PTPRN2: variants seen among roughly 807,000 people sequenced by gnomAD.
The protein encoded by PTPRN2 is receptor-type tyrosine-protein phosphatase N2.
A neutral mutation model predicts 118.8 loss-of-function variants in PTPRN2; 74 were observed. The ratio of observed to expected loss-of-function variants is 0.62; its 90% CI spans 0.52 to 0.76. The LOEUF is 0.76. Ranked by LOEUF, PTPRN2 falls within the 30% of genes least tolerant of loss-of-function variation. The pLI is 0.00. For missense variants in PTPRN2, 1,481 were observed against 1,394.4 expected (o/e 1.06, Z -0.99); for synonymous variants, 641 against 608.0 (o/e 1.05, Z -0.80).
intron 11 of PTPRN2, among the ~76,000 whole-genome samples, chr7:157,968,955 G>T (rs983765527): frequency 7.2e-5 from 11 of 152,200 alleles, no homozygotes; most frequent in African/African-American, 2.7e-4. Flanking sequence ...AGGTGCCGAA[G>T]AAACAGCAAG....
At chr7:157,849,998 G>A (rs1237370373) in intron 12 of PTPRN2, among the ~76,000 whole-genome samples, 1 of 152,210 alleles carries the variant, frequency 6.6e-6, no homozygotes, top group East Asian at 1.9e-4. Context: ...CCAAGGATTG[G>A]AGCATCTTAC....
rs375925672 is a variant in PTPRN2 at position 158,349,953 on chromosome 7, C to G, written c.164-33021G>C. On this transcript the variant is annotated intron_variant, in intron 2 of 22. Coordinates refer to ENST00000389418, the MANE Select transcript of PTPRN2 (RefSeq NM_002847.5). ...CCTTCCTGATGTCCAAGAACAAGGGCGTTACTAGCGCTCACGTGTTCCCCT... is the reference window on the plus strand; with the variant it reads ...CCTTCCTGATGTCCAAGAACAAGGGGGTTACTAGCGCTCACGTGTTCCCCT... Among the ~76,000 whole-genome samples, 7 of 152,138 alleles carry G rather than the reference C, an allele frequency of 4.6e-5. 1 individual carries two copies. The highest frequency in any genetic ancestry group is 1.7e-4 in the African/African-American group (7 of 41,408).
intron 2 of PTPRN2, among the ~76,000 whole-genome samples, chr7:158,372,269 T>TGATCCCCCCAATGCTGGTCCCCGGAGCTG: frequency 6.8e-6 from 1 of 148,002 alleles, no homozygotes; most frequent in Non-Finnish European, 1.5e-5. Flanking sequence ...TCCCCAGAGC[T>TGATCCCCCCAATGCTGGTCCCCGGAGCTG]GATCCCCCCA....
chr7:158,103,052 G>C lies in PTPRN2; in HGVS notation c.1643+7777C>G, dbSNP rs1272125410. Among the ~76,000 whole-genome samples, 3 of 152,184 alleles carry C rather than the reference G, an allele frequency of 2.0e-5. No homozygotes were observed. The East Asian group carries it at 5.8e-4, about 29-fold the overall frequency. On this transcript the variant is annotated intron_variant, in intron 10 of 22. Transcript: ENST00000389418. ...ATCAGCAGGACCCAGTAAGGCCTGG[G>C]TGTCCAGACATGCACCCGTCCCTGT... is the stretch of plus-strand genomic sequence containing the variant.
chr7:158,380,172 A>G (rs1279512855), intron 2 of PTPRN2, among the ~76,000 whole-genome samples: 3 of 152,168 alleles, frequency 2.0e-5, no homozygotes, highest in African/African-American at 7.2e-5. Context: ...CTCACATTTT[A>G]AAACCAATCA....
At chr7:158,118,246 T>C (rs1047434302) in intron 9 of PTPRN2, among the ~76,000 whole-genome samples, 2 of 152,210 alleles carry the variant, frequency 1.3e-5, no homozygotes, top group Non-Finnish European at 2.9e-5. Context: ...AATTTTGTGA[T>C]ATCAATAGCC....
intron 3 of PTPRN2, among the ~76,000 whole-genome samples, chr7:158,244,679 G>T (rs1464835175): frequency 6.6e-6 from 1 of 151,836 alleles, no homozygotes; most frequent in Non-Finnish European, 1.5e-5. Context: ...AGTTCTGTAA[G>T]CTGTGTAAGT....
chr7:158,449,831 A>G (rs1295133438), intron 2 of PTPRN2, among the ~76,000 whole-genome samples: 1 of 152,172 alleles, frequency 6.6e-6, no homozygotes, highest in African/African-American at 2.4e-5. Flanking sequence ...AGGAACACTA[A>G]ACCTCTTTTT....
chr7:158,402,661 C>A (rs111718340), intron 2 of PTPRN2, among the ~76,000 whole-genome samples: 2 of 152,184 alleles, frequency 1.3e-5, no homozygotes, highest in South Asian at 4.1e-4. Context: ...GCAAGCCCTG[C>A]GATGTTCCTG....
chr7:157,568,953 G>A lies in PTPRN2; in HGVS notation c.2851C>T (p.Arg951Trp), dbSNP rs1799624153. The change falls in exon 21 of 23, where the codon CGG becomes TGG. Residue 951 changes from arginine to tryptophan, a missense_variant. Arg to Trp is a moderately radical substitution (Grantham distance 101, BLOSUM62 -3). Transcript: ENST00000389418. ...IIVHCSDGAG[R>W]SGTYVLIDMV... ...TCGATCAGGACGTAGGTGCCGCTCC[G>A]GCCTGCACCGTCACTGCCAACAGAA... 1.3e-6 allele frequency: 2 copies of A among 1,574,486 alleles called. No homozygotes were observed. Among genetic ancestry groups the A allele is most frequent in the South Asian group, 2.2e-5 (2 of 90,204 alleles).
chr7:157,713,833 C>T (rs896161878), intron 12 of PTPRN2, among the ~76,000 whole-genome samples: 4 of 152,212 alleles, frequency 2.6e-5, no homozygotes, highest in African/African-American at 7.2e-5. Flanking sequence ...GAGAGCCCCA[C>T]GAAGCAGCTC....
At chr7:158,284,651 C>T (rs914723048) in intron 3 of PTPRN2, among the ~76,000 whole-genome samples, 6 of 152,250 alleles carry the variant, frequency 3.9e-5, no homozygotes, top group Middle Eastern at 3.4e-3. Flanking sequence ...GTTTGGCGTA[C>T]GGACTCCGCT....
intron 12 of PTPRN2, among the ~76,000 whole-genome samples, chr7:157,712,794 A>G (rs1798715717): frequency 6.6e-6 from 1 of 150,744 alleles, no homozygotes; most frequent in Non-Finnish European, 1.5e-5. Context: ...AGACACAGAC[A>G]GACGTGCACA....
At chr7:157,768,008 AAG>A (rs1389816510) in intron 12 of PTPRN2, among the ~76,000 whole-genome samples, 1 of 152,230 alleles carries the variant, frequency 6.6e-6, no homozygotes, top group African/African-American at 2.4e-5. Flanking sequence ...GAGCGGTAAA[AAG>A]AGAATTGCCA....
intron 11 of PTPRN2, among the ~76,000 whole-genome samples, chr7:157,985,586 A>G (rs1368275954): frequency 6.6e-6 from 1 of 152,198 alleles, no homozygotes; most frequent in African/African-American, 2.4e-5. Flanking sequence ...ACCATATATG[A>G]TCCCTGCTTG....
At position 158,250,563 on chromosome 7, in the gene PTPRN2, C is replaced by A. The variant is rs180887431; in HGVS notation, c.278-45290G>T. Among the ~76,000 whole-genome samples the A allele has an allele frequency of 2.9e-3, 442 of 152,096 alleles. 9 individuals are homozygous for A. The highest frequency in any genetic ancestry group is 0.027 in the Admixed American group (413 of 15,284). On this transcript the variant is annotated intron_variant, in intron 3 of 22. Transcript: ENST00000389418. ...CATTCCATACATATGCACACACACA[C>A]GTACACACACATCCCCCCCACATCC...
intron 11 of PTPRN2, among the ~76,000 whole-genome samples, chr7:157,994,561 G>GTA: frequency 9.4e-6 from 1 of 106,338 alleles, no homozygotes; most frequent in East Asian, 2.6e-4. Flanking sequence ...TCAGCACCGC[G>GTA]TCCCCAGCTT....
intron 21 of PTPRN2, among the ~76,000 whole-genome samples, chr7:157,552,216 T>G (rs1166799115): frequency 6.6e-6 from 1 of 152,158 alleles, no homozygotes; most frequent in Non-Finnish European, 1.5e-5. Context: ...CCAGAAGAAA[T>G]GGCAAGACGT....
rs368027190 is a variant in PTPRN2, at chr7:157,785,041, C to T, written c.1789-102104G>A. ...TCAGTTTCCATTTTTCCACTTGTAA[C>T]GGCTGTTACAGCCGCTGTTTCATCG... On this transcript the variant is annotated intron_variant, in intron 12 of 22. Coordinates refer to ENST00000389418, the MANE Select transcript of PTPRN2 (RefSeq NM_002847.5). The surrounding 1 kb of genome is among the most constrained non-coding windows in gnomAD (Gnocchi z 7.3). 3.5e-4 allele frequency among the ~76,000 whole-genome samples: 53 copies of T among 152,222 alleles called. 1 individual carries two copies. The East Asian group carries it at 8.9e-3, about 26-fold the overall frequency.
Sources: allele counts gnomAD v4.1 joint callset (sites outside exome capture counted in the v4.1 genomes callset), GRCh38; gene constraint gnomAD v4.1.1; non-coding constraint Gnocchi (gnomAD v3.1); transcripts MANE v1.5; gene names NCBI Gene and HGNC (gene_info 2026-07-23, HGNC 2026-07-21).